MELK: variants seen among roughly 807,000 people sequenced by gnomAD.
MELK encodes the protein pEg3 kinase.
A neutral mutation model predicts 85.0 loss-of-function variants in MELK; 81 were observed. The observed-to-expected ratio is 0.95, with a 90% confidence interval of 0.80 to 1.15. The LOEUF is 1.15. MELK is among the 50% of genes most tolerant of loss of function. The probability of loss-of-function intolerance (pLI) is 0.00; values close to 1 mark genes in which losing one functional copy is unlikely to be tolerated. For missense variants in MELK, 754 were observed against 777.5 expected, an observed-to-expected ratio of 0.97 and a Z score of 0.36; for synonymous variants, 252 against 265.0, an observed-to-expected ratio of 0.95 and a Z score of 0.48.
intron 8 of MELK, among the ~76,000 whole-genome samples, chr9:36,611,440 A>C (rs1826042378): frequency 6.6e-6 from 1 of 152,170 alleles, no homozygotes; most frequent in Middle Eastern, 3.2e-3. Context: ...ACTCTCTCTC[A>C]GGGTGGGGAA....
chr9:36,578,310 TG>T (rs1474425588), intron 1 of MELK, among the ~76,000 whole-genome samples: 7 of 151,790 alleles, frequency 4.6e-5, no homozygotes, highest in Non-Finnish European at 1.0e-4. Flanking sequence ...TTCCATCACC[TG>T]TTACCTCTAA....
At chr9:36,635,985 C>T (rs151213444) in intron 10 of MELK, among the ~76,000 whole-genome samples, 10 of 150,330 alleles carry the variant, frequency 6.7e-5, no homozygotes, top group African/African-American at 1.7e-4. Flanking sequence ...TTAGTAGAGA[C>T]GGGGTTTCAC....
In MELK at chr9:36,616,387, C is replaced by CTTTT. The variant is rs60212848; in HGVS notation, c.666+8731_666+8734dup. Among the ~76,000 whole-genome samples the CTTTT allele has an allele frequency of 1.6e-4, 18 of 114,636 alleles. 1 individual carries two copies. Among genetic ancestry groups the CTTTT allele is most frequent in the East Asian group, 1.5e-3 (6 of 3,986 alleles). The allele number at this position is 114,636 out of a possible 152,430, so 75.2% of individuals were successfully genotyped here. On this transcript the variant is annotated intron_variant, in intron 8 of 17. Coordinates refer to ENST00000298048, the MANE Select transcript of MELK (RefSeq NM_014791.4). ...TTAAAGGTATCTAGCATGTCAAACTCTTTTTTTTTTTTTTTTTTTTAAGGC... is the reference window on the plus strand; with the variant it reads ...TTAAAGGTATCTAGCATGTCAAACTCTTTTTTTTTTTTTTTTTTTTTTTTAAGGC...
intron 14 of MELK, 23 bp downstream of exon 14, chr9:36,665,604 A>G (rs762920829): frequency 1.3e-6 from 2 of 1,548,364 alleles, no homozygotes; most frequent in Non-Finnish European, 1.8e-6. Flanking sequence ...TGAATTAAGC[A>G]GTAAGAAGTT....
intron 9 of MELK, 75 bp downstream of exon 9, chr9:36,630,442 A>G (rs1276206164): frequency 2.2e-5 from 26 of 1,165,748 alleles, no homozygotes; most frequent in Non-Finnish European, 3.0e-5. Flanking sequence ...GTGGTGCTAC[A>G]TCATTTCCTA....
At chr9:36,652,625 G>A (rs1830820000) in intron 12 of MELK, among the ~76,000 whole-genome samples, 1 of 151,522 alleles carries the variant, frequency 6.6e-6, no homozygotes, top group South Asian at 2.1e-4. Flanking sequence ...AGCTACTTGG[G>A]AGGATGAGGC....
In MELK at chr9:36,669,294, GTTCTGT is replaced by G. The variant is rs1832673424; in HGVS notation, c.1409-11_1409-6del. 6.4e-7 allele frequency: 1 copy of G among 1,552,786 alleles called. No homozygotes were observed. The highest frequency in any genetic ancestry group is 1.4e-5 in the African/African-American group (1 of 72,712). On this transcript the variant is annotated splice_polypyrimidine_tract_variant and intron_variant, in intron 14 of 17. Transcript: ENST00000298048. ...TATGTGCTGCATATGGATTGTGTTT[GTTCTGT>G]TTCTAATAGCTAGAAACCAGTGCCT...
At chr9:36,633,651 T>C (rs2136584298) in intron 10 of MELK, among the ~76,000 whole-genome samples, 1 of 152,358 alleles carries the variant, frequency 6.6e-6, no homozygotes, top group African/African-American at 2.4e-5. Flanking sequence ...CATTAAAAAC[T>C]AATATGATAA....
chr9:36,646,697 A>G (rs1460699993), intron 11 of MELK, among the ~76,000 whole-genome samples: 1 of 152,118 alleles, frequency 6.6e-6, no homozygotes, highest in Non-Finnish European at 1.5e-5. Flanking sequence ...TCCAGGACAG[A>G]TCCATTTTCC....
chr9:36,629,605 T>C (rs1167959580), intron 8 of MELK, among the ~76,000 whole-genome samples: 6 of 152,360 alleles, frequency 3.9e-5, no homozygotes, highest in Admixed American at 1.3e-4. Context: ...TTTCTGCTGC[T>C]TCATTTTGTC....
Position 36,665,391 on chromosome 9 carries a change from A to G in MELK, c.1218A>G (p.Lys406=), listed in dbSNP as rs56223064. 6,962 of 1,613,678 alleles carry G rather than the reference A, an allele frequency of 4.3e-3. 161 individuals carry two copies. The African/African-American group carries it at 0.063, about 15-fold the overall frequency. The change falls in exon 14 of 18, where the codon AAA becomes AAG. Residue 406 remains lysine, a synonymous_variant. Transcript: ENST00000298048. Reference sequence around the variant, plus strand: ...CAGAATCAAATGGGGTGGAATCTAAATCATTAACTCCAGCCTTATGCAGAA... The same window carrying G: ...CAGAATCAAATGGGGTGGAATCTAAGTCATTAACTCCAGCCTTATGCAGAA... ...YWTESNGVES[K]SLTPALCRTP...
At chr9:36,639,227 G>C (rs2483639) in intron 10 of MELK, among the ~76,000 whole-genome samples, 1 of 152,118 alleles carries the variant, frequency 6.6e-6, no homozygotes, top group African/African-American at 2.4e-5. Context: ...AACTTTACAT[G>C]TTGTATCATT....
chr9:36,586,294 A>T (rs1822896442), intron 3 of MELK, among the ~76,000 whole-genome samples: 1 of 151,776 alleles, frequency 6.6e-6, no homozygotes, highest in African/African-American at 2.4e-5. Context: ...GTGAGCCGAG[A>T]TGGTGCCGCT....
At chr9:36,612,198 C>T (rs565437424) in intron 8 of MELK, among the ~76,000 whole-genome samples, 14 of 151,850 alleles carry the variant, frequency 9.2e-5, no homozygotes, top group Non-Finnish European at 1.2e-4. Context: ...TCAGTTCAAG[C>T]GATTCTCTTG....
At chr9:36,579,564 A>G (rs775666561) in intron 1 of MELK, among the ~76,000 whole-genome samples, 7 of 152,272 alleles carry the variant, frequency 4.6e-5, no homozygotes, top group Admixed American at 1.3e-4. Flanking sequence ...TCTCCATTAT[A>G]GCCCTAGTGC....
At chr9:36,626,836 G>A (rs955267789) in intron 8 of MELK, among the ~76,000 whole-genome samples, 7 of 151,788 alleles carry the variant, frequency 4.6e-5, no homozygotes, top group African/African-American at 1.4e-4. Flanking sequence ...GCAGGCACCC[G>A]TAATCCCAGC....
intron 8 of MELK, among the ~76,000 whole-genome samples, chr9:36,617,384 G>A (rs181940178): frequency 2.0e-5 from 3 of 151,758 alleles, no homozygotes; most frequent in Non-Finnish European, 2.9e-5. Context: ...CCAGGCTGGA[G>A]TGCAGTGGTG....
Position 36,665,444 on chromosome 9 carries a change from A to G in MELK, c.1271A>G (p.Glu424Gly), listed in dbSNP as rs775055106. The G allele has an allele frequency of 8.1e-6, 13 of 1,613,408 alleles. 1 individual carries two copies. The South Asian group carries it at 8.8e-5, about 11-fold the overall frequency. The change falls in exon 14 of 18, where the codon GAA becomes GGA. Residue 424 changes from glutamate (E) to glycine (G), a missense_variant. Transcript: ENST00000298048. The part of the protein sequence containing the change: ...RTPANKLKNK[E>G]NVYTPKSAVK... Reference sequence around the variant, plus strand: ...CCTGCAAATAAATTAAAGAACAAAGAAAATGTATATACTCCTAAGTCTGCT... The same window carrying G: ...CCTGCAAATAAATTAAAGAACAAAGGAAATGTATATACTCCTAAGTCTGCT...
At chr9:36,634,770 G>T (rs925713134) in intron 10 of MELK, among the ~76,000 whole-genome samples, 1 of 151,974 alleles carries the variant, frequency 6.6e-6, no homozygotes, top group East Asian at 1.9e-4. Context: ...GATCCCAGGC[G>T]GGTAGATTAT....
Sources: gnomAD v4.1 joint callset for allele counts (sites outside exome capture counted in the v4.1 genomes callset) on GRCh38, gnomAD v4.1.1 for gene constraint, MANE v1.5 for transcripts, NCBI Gene and HGNC (gene_info 2026-07-23, HGNC 2026-07-21) for gene names.